The following PCDHGA2 variants were observed in gnomAD, a reference collection of about 807,000 sequenced individuals.
The protein encoded by PCDHGA2 is protocadherin gamma-A2.
In PCDHGA2, 40 loss-of-function variants were observed where a neutral mutation model predicts 59.2. The ratio of observed to expected loss-of-function variants is 0.68; its 90% CI spans 0.52 to 0.88. The LOEUF (loss-of-function observed/expected upper bound fraction) is 0.88. PCDHGA2 is among the 40% of genes least tolerant of loss of function. The pLI is 0.00. For synonymous variants in PCDHGA2, 560 were observed against 526.0 expected (o/e 1.06, Z -0.89); for missense variants, 1,226 against 1,204.0 (o/e 1.02, Z -0.27).
chr5:141,408,022 G>A (rs915978239), intron 1 of PCDHGA2: 1 of 1,056,122 alleles, frequency 9.5e-7, no homozygotes, highest in Non-Finnish European at 1.3e-6. Context: ...GCCAACAACA[G>A]AAAGAAGAAA....
intron 1 of PCDHGA2, chr5:141,416,286 T>C (rs1415036175): frequency 2.0e-5 from 3 of 152,304 alleles, no homozygotes; most frequent in Non-Finnish European, 4.4e-5. Context: ...AATTCTCTAA[T>C]TTCACACTGC....
At chr5:141,423,642 T>C (rs1293550754) in intron 1 of PCDHGA2, 2 of 1,596,770 alleles carry the variant, frequency 1.3e-6, no homozygotes, top group African/African-American at 2.7e-5. Flanking sequence ...TAGGCAAATG[T>C]GACCCGACAA....
chr5:141,408,673 C>T (rs1397679515), intron 1 of PCDHGA2: 3 of 1,613,854 alleles, frequency 1.9e-6, no homozygotes, highest in Non-Finnish European at 2.5e-6. Flanking sequence ...TTGACCCTGC[C>T]ACGGATCCTG....
chr5:141,356,378 C>T (rs749531855), intron 1 of PCDHGA2: 2 of 1,565,028 alleles, frequency 1.3e-6, no homozygotes, highest in South Asian at 2.3e-5. Flanking sequence ...CTGCCATTCA[C>T]ACTTGAAAAG....
At chr5:141,382,123 T>C (rs1431842426) in intron 1 of PCDHGA2, among the ~76,000 whole-genome samples, 1 of 152,126 alleles carries the variant, frequency 6.6e-6, no homozygotes, top group Non-Finnish European at 1.5e-5. Context: ...CAACAGCACC[T>C]GGCCCCCCCT....
At chr5:141,372,941 G>T in intron 1 of PCDHGA2, 1 of 810,408 alleles carries the variant, frequency 1.2e-6, no homozygotes, top group Non-Finnish European at 1.9e-6. Context: ...AGAGTAGGGT[G>T]TCTAGGAAAT....
chr5:141,390,855 A>G (rs941626765), intron 1 of PCDHGA2: 5 of 156,986 alleles, frequency 3.2e-5, no homozygotes, highest in African/African-American at 1.0e-4. Context: ...TATGCAGTGT[A>G]CGCTGTGTGT....
chr5:141,443,288 C>T (rs2098378643), intron 1 of PCDHGA2, among the ~76,000 whole-genome samples: 1 of 150,180 alleles, frequency 6.7e-6, no homozygotes, highest in Non-Finnish European at 1.5e-5. Context: ...TGAGACCAGC[C>T]TGGACAGCAT....
chr5:141,394,347 G>A lies in PCDHGA2; in HGVS notation c.2424+52952G>A, dbSNP rs770737407. 1.9e-6 allele frequency: 3 copies of A among 1,614,118 alleles called. No homozygotes were observed. The South Asian group carries it at 3.3e-5, about 18-fold the overall frequency. On this transcript the variant is annotated intron_variant, in intron 1 of 3. Coordinates refer to ENST00000394576, the MANE Select transcript of PCDHGA2 (RefSeq NM_018915.4). ...GTATATCTCCATCAACTCTGACACC[G>A]GTGTCCTGTATGCGCTGCAATCTTT...
In PCDHGA2 at chr5:141,341,041, T is replaced by C; in HGVS notation, c.2070T>C (p.Thr690=). Residue 690 remains threonine, a synonymous_variant, in exon 1 of 4, where the codon ACT becomes ACC. Coordinates refer to ENST00000394576, the MANE Select transcript of PCDHGA2 (RefSeq NM_018915.4). ...CCATACCCAACGATTCGGACCTCAC[T>C]CTGTACCTGGTGGTGGCGGTGGCCG... ...PSAIPNDSDL[T]LYLVVAVAAV... is the part of the protein sequence containing the mutation. 1.2e-6 allele frequency: 2 copies of C among 1,613,864 alleles called. No homozygotes were observed. Among genetic ancestry groups the C allele is most frequent in the Non-Finnish European group, 1.7e-6 (2 of 1,179,950 alleles).
chr5:141,393,214 A>G, intron 1 of PCDHGA2: 1 of 1,613,636 alleles, frequency 6.2e-7, no homozygotes, highest in East Asian at 2.2e-5. Flanking sequence ...CCAAAATTCC[A>G]GGTCGAAGAT....
intron 1 of PCDHGA2, chr5:141,384,103 T>A (rs1305926581): frequency 6.2e-7 from 1 of 1,600,344 alleles, no homozygotes; most frequent in Non-Finnish European, 8.5e-7. Flanking sequence ...AGATAATTAT[T>A]ATAGATTGGT....
chr5:141,364,207 C>T (rs1763218891), intron 1 of PCDHGA2: 1 of 1,184,316 alleles, frequency 8.4e-7, no homozygotes, highest in African/African-American at 1.5e-5. Context: ...ACCAGACAAG[C>T]TCCTACGAAA....
chr5:141,402,616 A>G (rs974813396), intron 1 of PCDHGA2, among the ~76,000 whole-genome samples: 1 of 152,256 alleles, frequency 6.6e-6, no homozygotes, highest in African/African-American at 2.4e-5. Flanking sequence ...AAATGCAAGA[A>G]ACAATTGGAG....
At chr5:141,472,323 C>T (rs980684595) in intron 1 of PCDHGA2, among the ~76,000 whole-genome samples, 4 of 151,498 alleles carry the variant, frequency 2.6e-5, no homozygotes, top group East Asian at 2.0e-4. Flanking sequence ...AGGCAGATCA[C>T]GAGGTTGGGA....
intron 1 of PCDHGA2, among the ~76,000 whole-genome samples, chr5:141,443,905 A>G (rs963772369): frequency 6.6e-6 from 1 of 152,204 alleles, no homozygotes; most frequent in Admixed American, 6.5e-5. Context: ...TAGTAGGAAA[A>G]TTCATAAAAG....
chr5:141,353,397 A>G (rs1759270866), intron 1 of PCDHGA2, among the ~76,000 whole-genome samples: 1 of 152,212 alleles, frequency 6.6e-6, no homozygotes, highest in South Asian at 2.1e-4. Flanking sequence ...TATGTAATTA[A>G]TGTAATCTTC....
chr5:141,433,080 A>T lies in PCDHGA2; in HGVS notation c.2425-61727A>T, dbSNP rs1315049041. 4.3e-6 allele frequency: 7 copies of T among 1,614,174 alleles called. No homozygotes were observed. The East Asian group carries it at 1.6e-4, about 36-fold the overall frequency. ...AGTCACCTGATCTTCCCCCAGCCCA[A>T]CTATGCAGACATGCTCGTCAGCCAG... On this transcript the variant is annotated intron_variant, in intron 1 of 3. Transcript: ENST00000394576.
chr5:141,347,663 T>C (rs1757999011), intron 1 of PCDHGA2, among the ~76,000 whole-genome samples: 1 of 151,754 alleles, frequency 6.6e-6, no homozygotes, highest in African/African-American at 2.4e-5. Flanking sequence ...GGTGGGCGCC[T>C]GTAATCCAAG....
Sources: gnomAD v4.1 joint callset for allele counts (sites outside exome capture counted in the v4.1 genomes callset) on GRCh38, gnomAD v4.1.1 for gene constraint, MANE v1.5 for transcripts, NCBI Gene and HGNC (gene_info 2026-07-23, HGNC 2026-07-21) for gene names.